RANBP2: variants seen among roughly 807,000 people sequenced by gnomAD.
RANBP2 encodes the protein E3 SUMO-protein ligase RanBP2.
RANBP2 carries 57 observed loss-of-function variants against 303.6 expected under a neutral mutation model. The ratio of observed to expected loss-of-function variants is 0.19; its 90% confidence interval spans 0.15 to 0.23. RANBP2 has a LOEUF of 0.23. Among genes scored for constraint, RANBP2 ranks in the 10% least tolerant of loss-of-function variants. The probability of loss-of-function intolerance (pLI) is 1.00; values close to 1 mark genes in which losing one functional copy is unlikely to be tolerated. For missense variants in RANBP2, 3,138 were observed against 3,780.8 expected (o/e 0.83, Z 4.46); for synonymous variants, 1,167 against 1,301.5 (o/e 0.90, Z 2.23).
the RANBP2 span, among the ~76,000 whole-genome samples, chr2:109,244,817 G>T: frequency 1.3e-5 from 2 of 152,206 alleles, no homozygotes; most frequent in Non-Finnish European, 2.9e-5. Context: ...CCTTGGAGGG[G>T]TGGCCTGAGA....
chr2:108,721,971 C>T (rs1694291068), intron 1 of RANBP2, among the ~76,000 whole-genome samples: 1 of 151,276 alleles, frequency 6.6e-6, no homozygotes, highest in African/African-American at 2.4e-5. Flanking sequence ...CTCCTGGGCT[C>T]AAGTGATCCT....
At chr2:108,755,896 G>GT (rs1386000074) in intron 17 of RANBP2, among the ~76,000 whole-genome samples, 16 of 151,934 alleles carry the variant, frequency 1.1e-4, no homozygotes, top group Non-Finnish European at 2.9e-5. Flanking sequence ...GCTAATTTTT[G>GT]TATGTTTAGT....
At chr2:109,665,941 G>A in the RANBP2 span, among the ~76,000 whole-genome samples, 1 of 151,696 alleles carries the variant, frequency 6.6e-6, no homozygotes, top group Admixed American at 6.6e-5. Context: ...GAGAAACCCT[G>A]TCTCTACTAA....
At chr2:109,496,515 C>T in the RANBP2 span, among the ~76,000 whole-genome samples, 1 of 152,218 alleles carries the variant, frequency 6.6e-6, no homozygotes. Context: ...GCTGTGACAT[C>T]TATGATAATA....
At chr2:109,501,082 G>A in the RANBP2 span, among the ~76,000 whole-genome samples, 1 of 152,296 alleles carries the variant, frequency 6.6e-6, no homozygotes, top group Non-Finnish European at 1.5e-5. Context: ...GAGAGGTGAG[G>A]ACACGAGCCC....
the RANBP2 span, among the ~76,000 whole-genome samples, chr2:108,854,014 T>TATAATAA: frequency 8.6e-6 from 1 of 116,344 alleles, no homozygotes. Flanking sequence ...ATATATAATA[T>TATAATAA]ATAATAAATT....
the RANBP2 span, among the ~76,000 whole-genome samples, chr2:109,095,025 T>A: frequency 6.6e-6 from 1 of 152,208 alleles, no homozygotes. Context: ...TTAGAAATGT[T>A]CTAAATTAAG....
At chr2:109,255,353 T>A in the RANBP2 span, among the ~76,000 whole-genome samples, 1 of 152,264 alleles carries the variant, frequency 6.6e-6, no homozygotes, top group East Asian at 1.9e-4. Flanking sequence ...ATACAGAGCA[T>A]TGGAGAAGTG....
chr2:109,291,302 T>G, the RANBP2 span, among the ~76,000 whole-genome samples: 1 of 151,066 alleles, frequency 6.6e-6, no homozygotes, highest in Non-Finnish European at 1.5e-5. Context: ...TTTTTTGCAT[T>G]ATGCTTGAAG....
the RANBP2 span, among the ~76,000 whole-genome samples, chr2:109,030,447 A>G: frequency 2.6e-4 from 40 of 152,336 alleles, no homozygotes; most frequent in South Asian, 2.1e-4. Context: ...GCCAAATGTG[A>G]TAATGTGTAT....
At position 108,729,111 on chromosome 2, in the gene RANBP2, A is replaced by G. The variant is rs763521631; in HGVS notation, c.73-21A>G. The G allele has an allele frequency of 7.1e-5, 111 of 1,566,354 alleles. 1 individual carries two copies. The highest frequency in any genetic ancestry group is 2.3e-4 in the Middle Eastern group (1 of 4,308). On this transcript the variant is annotated intron_variant, in intron 1 of 28. Coordinates refer to ENST00000283195, the MANE Select transcript of RANBP2 (RefSeq NM_006267.5). ...AAAATATTTCTGTATGAAAAGTAAA[A>G]CAACTTTTAATTTTTTTTAGAAGTC... is the stretch of plus-strand genomic sequence containing the variant.
the RANBP2 span, chr2:109,543,192 C>T: frequency 6.6e-6 from 1 of 152,514 alleles, no homozygotes; most frequent in African/African-American, 2.4e-5. Context: ...TTCAGATGTT[C>T]ATAGTTATTT....
chr2:109,544,738 TAA>T, the RANBP2 span: 23 of 841,294 alleles, frequency 2.7e-5, no homozygotes, highest in African/African-American at 4.2e-4. Context: ...TTTATCTTTC[TAA>T]ATTCAATGCT....
the RANBP2 span, among the ~76,000 whole-genome samples, chr2:109,640,084 T>C: frequency 1.3e-5 from 2 of 151,578 alleles, no homozygotes; most frequent in Admixed American, 1.3e-4. Context: ...TCTCTTTCCT[T>C]CTTCTGCCTT....
At chr2:108,930,354 C>A in the RANBP2 span, 1 of 1,224,936 alleles carries the variant, frequency 8.2e-7, no homozygotes, top group African/African-American at 1.5e-5. Context: ...GGGGGCTCTG[C>A]TGGGGGCTCG....
the RANBP2 span, among the ~76,000 whole-genome samples, chr2:109,539,731 C>T: frequency 2.6e-5 from 4 of 152,208 alleles, no homozygotes; most frequent in Non-Finnish European, 5.9e-5. Context: ...GAGTGAGCCA[C>T]CGTGCCCGGC....
At chr2:109,489,135 C>A in the RANBP2 span, among the ~76,000 whole-genome samples, 1 of 152,260 alleles carries the variant, frequency 6.6e-6, no homozygotes, top group East Asian at 1.9e-4. Flanking sequence ...CCAGGGCACA[C>A]CTTCATTATA....
the RANBP2 span, among the ~76,000 whole-genome samples, chr2:109,424,720 G>A: frequency 2.0e-5 from 3 of 152,184 alleles, no homozygotes; most frequent in Non-Finnish European, 4.4e-5. Flanking sequence ...TACTCGATAA[G>A]TGATGTGTAT....
the RANBP2 span, among the ~76,000 whole-genome samples, chr2:109,304,079 C>T: frequency 6.7e-6 from 1 of 148,288 alleles, no homozygotes; most frequent in Non-Finnish European, 1.5e-5. Context: ...CCAGCCTGGG[C>T]AACAGGAGCA....
Sources: gnomAD v4.1 joint callset for allele counts (sites outside exome capture counted in the v4.1 genomes callset) on GRCh38, gnomAD v4.1.1 for gene constraint, MANE v1.5 for transcripts, NCBI Gene and HGNC (gene_info 2026-07-23, HGNC 2026-07-21) for gene names.